TRIM69: variants seen among roughly 807,000 people sequenced by gnomAD.
TRIM69 encodes tripartite motif containing 69, also known as E3 ubiquitin-protein ligase TRIM69.
Under a neutral mutation model 37.7 loss-of-function variants are expected in TRIM69, and 29 were observed. That is an observed-to-expected ratio of 0.77 (90% CI 0.57 to 1.05). TRIM69 has a LOEUF of 1.05. Ranked by LOEUF, TRIM69 falls within the 50% of genes least tolerant of loss-of-function variation. The probability of loss-of-function intolerance (pLI) is 0.00; values close to 1 mark genes in which losing one functional copy is unlikely to be tolerated. For missense variants in TRIM69, 596 were observed against 579.9 expected (o/e 1.03, Z -0.28); for synonymous variants, 209 against 212.4 (o/e 0.98, Z 0.14).
chr15:44,766,554 AC>A (rs142455250), intron 6 of TRIM69, among the ~76,000 whole-genome samples: 4,035 of 152,278 alleles, frequency 0.026, 54 homozygotes, highest in African/African-American at 0.037. Flanking sequence ...ACAACTGAAT[AC>A]TTACCTTCCT....
Position 44,767,779 on chromosome 15 carries a change from A to C in TRIM69, c.*7A>C. On this transcript the variant is annotated 3_prime_UTR_variant, in exon 7 of 7. Coordinates refer to ENST00000329464, the MANE Select transcript of TRIM69 (RefSeq NM_182985.5). ...CATCTTACATCCACAGTAATGAGTCATAATATTATACAAATTCAGAGTGTT... is the reference window on the plus strand; with the variant it reads ...CATCTTACATCCACAGTAATGAGTCCTAATATTATACAAATTCAGAGTGTT... The C allele has an allele frequency of 6.3e-7, 1 of 1,599,080 alleles. No homozygotes were observed. Among genetic ancestry groups the C allele is most frequent in the Non-Finnish European group, 8.5e-7 (1 of 1,173,826 alleles).
intron 1 of TRIM69, among the ~76,000 whole-genome samples, chr15:44,739,803 G>A (rs2087242140): frequency 6.6e-6 from 1 of 151,790 alleles, no homozygotes; most frequent in Admixed American, 6.6e-5. Flanking sequence ...TGGGGGCAGG[G>A]CACAGACAAA....
chr15:44,754,841 TG>T, intron 1 of TRIM69, 58 bp from the exon 2 acceptor site: 1 of 1,291,786 alleles, frequency 7.7e-7, no homozygotes, highest in Non-Finnish European at 1.1e-6. Context: ...GCCATCATCC[TG>T]GAGTGTTAAA....
Position 44,767,716 on chromosome 15 carries a change from T to A in TRIM69, c.1447T>A (p.Cys483Ser). 2 of 1,614,056 alleles carry A rather than the reference T, an allele frequency of 1.2e-6. No individual in the cohort carries two copies. Among genetic ancestry groups the A allele is most frequent in the Non-Finnish European group, 1.7e-6 (2 of 1,180,032 alleles). ...GAAACTTTATCCCTACTTCTGCCCC[T>A]GCCTTAATGATGGTGGAGAGAATAA... is the stretch of plus-strand genomic sequence containing the variant. ...MEKLYPYFCP[C>S]LNDGGENKEP... The change falls in exon 7 of 7, where the codon TGC (cysteine) becomes AGC (serine). Residue 483 changes from cysteine to serine, a missense_variant. By Grantham distance (112) the Cys-to-Ser change is moderately radical. Transcript: ENST00000329464.
At chr15:44,763,737 C>G (rs1023619211) in intron 6 of TRIM69, among the ~76,000 whole-genome samples, 1 of 152,096 alleles carries the variant, frequency 6.6e-6, no homozygotes, top group Non-Finnish European at 1.5e-5. Flanking sequence ...TCTTTCAGTT[C>G]TATTGAATTT....
chr15:44,738,715 C>T (rs1331102925), intron 1 of TRIM69, among the ~76,000 whole-genome samples: 1 of 152,164 alleles, frequency 6.6e-6, no homozygotes, highest in Non-Finnish European at 1.5e-5. Context: ...GAGTTCAAAT[C>T]TGAGACCCAC....
At chr15:44,750,741 T>TACCCAGGCTGGAGTGCAG (rs2087504899) in intron 1 of TRIM69, among the ~76,000 whole-genome samples, 1 of 45,402 alleles carries the variant, frequency 2.2e-5, no homozygotes, top group South Asian at 6.6e-4. Context: ...TTTTTTTTTT[T>TACCCAGGCTGGAGTGCAG]TGAGACGGAG....
At chr15:44,747,457 G>A (rs1285381108) in intron 1 of TRIM69, among the ~76,000 whole-genome samples, 1 of 152,056 alleles carries the variant, frequency 6.6e-6, no homozygotes, top group Non-Finnish European at 1.5e-5. Flanking sequence ...AAAATAAATA[G>A]CATCTATAAA....
At chr15:44,738,793 A>T (rs2087217285) in intron 1 of TRIM69, among the ~76,000 whole-genome samples, 1 of 152,224 alleles carries the variant, frequency 6.6e-6, no homozygotes, top group South Asian at 2.1e-4. Flanking sequence ...TAAAATATGT[A>T]GTAATAATAC....
In TRIM69 at chr15:44,736,710, G is replaced by C; in HGVS notation, c.6G>C (p.Glu2Asp). 2 of 1,577,992 alleles carry C rather than the reference G, an allele frequency of 1.3e-6. No homozygotes were observed. Among genetic ancestry groups the C allele is most frequent in the Non-Finnish European group, 1.7e-6 (2 of 1,166,918 alleles). ...CCTTGGTGGGCTGAAGCTTCATGGA[G>C]GTGAGTGACCCTTTTTTTTTTTAAC... MEVSTNPSSNID... is the reference protein window; with the variant it reads MDVSTNPSSNID... The change falls in exon 1 of 7, where the codon GAG becomes GAC. Residue 2 changes from glutamate (E) to aspartate (D), a missense_variant and splice_region_variant. Coordinates refer to ENST00000329464, the MANE Select transcript of TRIM69 (RefSeq NM_182985.5).
chr15:44,764,529 TA>T (rs36052489), intron 6 of TRIM69, among the ~76,000 whole-genome samples: 1 of 152,156 alleles, frequency 6.6e-6, no homozygotes, highest in East Asian at 1.9e-4. Flanking sequence ...GTTTGAAGAG[TA>T]AATATTTTAG....
chr15:44,762,855 T>C (rs1295979248), intron 6 of TRIM69, among the ~76,000 whole-genome samples: 1 of 152,170 alleles, frequency 6.6e-6, no homozygotes, highest in Non-Finnish European at 1.5e-5. Flanking sequence ...TTGATTGTTC[T>C]CCTGAGAGTC....
chr15:44,754,788 T>C, intron 1 of TRIM69, 112 bp from the exon 2 acceptor site: 1 of 776,466 alleles, frequency 1.3e-6, no homozygotes, highest in Middle Eastern at 2.4e-4. Context: ...GATTATGTGC[T>C]TTTACTTTAG....
chr15:44,746,973 A>G (rs984319999), intron 1 of TRIM69, among the ~76,000 whole-genome samples: 3 of 152,200 alleles, frequency 2.0e-5, no homozygotes, highest in African/African-American at 4.8e-5. Flanking sequence ...TTGGACTACA[A>G]TCTATGAGGA....
intron 1 of TRIM69, among the ~76,000 whole-genome samples, chr15:44,738,913 A>G (rs1174515715): frequency 6.6e-6 from 1 of 152,240 alleles, no homozygotes; most frequent in Admixed American, 6.5e-5. Flanking sequence ...TGTTTTACAG[A>G]AAAGGATATA....
chr15:44,762,242 A>C lies in TRIM69; in HGVS notation c.961+2370A>C, dbSNP rs188601374. Among the ~76,000 whole-genome samples, 968 of 152,302 alleles carry C rather than the reference A, an allele frequency of 6.4e-3. 4 individuals are homozygous for C. Among genetic ancestry groups the C allele is most frequent in the Admixed American group, 0.012 (177 of 15,302 alleles). The stretch of plus-strand genomic sequence containing the variant: ...CGGCCTCCCAAAGTACTGGGATTAC[A>C]GGCGTGAGCCACCGCACCTGGCCAT... On this transcript the variant is annotated intron_variant, in intron 6 of 6. Coordinates refer to ENST00000329464, the MANE Select transcript of TRIM69 (RefSeq NM_182985.5).
intron 1 of TRIM69, 131 bp from the exon 2 acceptor site, chr15:44,754,769 C>T (rs961474003): frequency 5.8e-5 from 41 of 704,192 alleles, no homozygotes; most frequent in Non-Finnish European, 9.7e-5. Flanking sequence ...GGTTCACTTT[C>T]AAAGGAGAGA....
At chr15:44,745,831 A>T (rs963048796) in intron 1 of TRIM69, among the ~76,000 whole-genome samples, 1 of 152,182 alleles carries the variant, frequency 6.6e-6, no homozygotes, top group Non-Finnish European at 1.5e-5. Context: ...AACTGAAAAT[A>T]GGTCAATTGA....
intron 2 of TRIM69, among the ~76,000 whole-genome samples, chr15:44,755,591 C>A (rs991204470): frequency 1.3e-5 from 2 of 152,158 alleles, no homozygotes; most frequent in Admixed American, 6.5e-5. Context: ...CTCCCTCAAT[C>A]AAATCTGTAC....
Sources: allele counts gnomAD v4.1 joint callset (sites outside exome capture counted in the v4.1 genomes callset), GRCh38; gene constraint gnomAD v4.1.1; transcripts MANE v1.5; gene names NCBI Gene and HGNC (gene_info 2026-07-23, HGNC 2026-07-21).